Variants in CUL2 observed in about 807,000 individuals in gnomAD.
CUL2 encodes the protein cullin-2.
CUL2 carries 22 observed loss-of-function variants against 110.2 expected under a neutral mutation model. That is an observed-to-expected ratio of 0.20 (90% CI 0.14 to 0.28). The LOEUF is 0.28. Ranked by LOEUF, CUL2 falls within the 10% of genes least tolerant of loss-of-function variation. CUL2 has a pLI of 1.00. For missense variants in CUL2, 631 were observed against 905.5 expected, an observed-to-expected ratio of 0.70 and a Z score of 3.89; for synonymous variants, 279 against 293.2, an observed-to-expected ratio of 0.95 and a Z score of 0.49.
At chr10:35,061,876 G>A (rs1319726830) in intron 3 of CUL2, among the ~76,000 whole-genome samples, 1 of 150,238 alleles carries the variant, frequency 6.7e-6, no homozygotes, top group Non-Finnish European at 1.5e-5. Flanking sequence ...CCAAAGTACA[G>A]AGATTACAGG....
chr10:35,035,658 G>A (rs1369871615), intron 9 of CUL2, among the ~76,000 whole-genome samples: 1 of 152,204 alleles, frequency 6.6e-6, no homozygotes, highest in African/African-American at 2.4e-5. Flanking sequence ...CAGCTGCACA[G>A]TACTCCATTA....
At chr10:35,051,866 C>T (rs527847362) in intron 5 of CUL2, among the ~76,000 whole-genome samples, 1 of 152,248 alleles carries the variant, frequency 6.6e-6, no homozygotes, top group South Asian at 2.1e-4. Flanking sequence ...TGCTCGGTTT[C>T]TTTATTGTGT....
Position 35,016,196 on chromosome 10 carries a change from T to A in CUL2, c.1883A>T (p.Glu628Val). 1 of 1,612,368 alleles carries A rather than the reference T, an allele frequency of 6.2e-7. No individual in the cohort carries two copies. The highest frequency in any genetic ancestry group is 8.5e-7 in the Non-Finnish European group (1 of 1,178,838). The change falls in exon 18 of 21, where the codon GAA (glutamate) becomes GTA (valine). Residue 628 changes from glutamate to valine, a missense_variant. Transcript: ENST00000374749. ...LDVKMINHDS[E>V]KEDIDAESSF... ...CTTTGGAATATTACTACATACCTTT[T>A]CTGAATCATGGTTAATCATTTTCAC...
chr10:35,065,358 C>T (rs1448126893), intron 2 of CUL2, among the ~76,000 whole-genome samples: 5 of 152,088 alleles, frequency 3.3e-5, no homozygotes, highest in Non-Finnish European at 7.4e-5. Flanking sequence ...TGATGACTCA[C>T]GCCTGTAATC....
At position 35,078,312 on chromosome 10, in the gene CUL2, T is replaced by C. The variant is rs568059434; in HGVS notation, c.-22-6973A>G. On this transcript the variant is annotated intron_variant, in intron 1 of 20. Coordinates refer to ENST00000374749, the MANE Select transcript of CUL2 (RefSeq NM_003591.4). ...TCAGGTGAATTTTTTTTTTTTTTTTTGAGATGGAGTTTCTGTCTTGTTGCC... is the reference window on the plus strand; with the variant it reads ...TCAGGTGAATTTTTTTTTTTTTTTTCGAGATGGAGTTTCTGTCTTGTTGCC... Among the ~76,000 whole-genome samples the C allele has an allele frequency of 2.6e-5, 4 of 151,654 alleles. No individual in the cohort carries two copies. In the East Asian group the frequency reaches 7.7e-4, roughly 29 times the overall value.
intron 9 of CUL2, among the ~76,000 whole-genome samples, chr10:35,037,178 A>G (rs1398620889): frequency 6.6e-6 from 1 of 152,234 alleles, no homozygotes; most frequent in Non-Finnish European, 1.5e-5. Context: ...AAAAAACTCA[A>G]TAGTGAATTG....
At chr10:35,047,273 T>C (rs1001632127) in intron 6 of CUL2, among the ~76,000 whole-genome samples, 4 of 152,186 alleles carry the variant, frequency 2.6e-5, no homozygotes, top group African/African-American at 9.6e-5. Flanking sequence ...AGTTCCTCAA[T>C]TCTGTGAGTG....
intron 1 of CUL2, among the ~76,000 whole-genome samples, chr10:35,117,306 T>C (rs941242666): frequency 6.6e-6 from 1 of 152,182 alleles, no homozygotes; most frequent in Non-Finnish European, 1.5e-5. Context: ...GGTATGATCT[T>C]GGCTCACTGC....
chr10:35,011,576 C>T (rs904545081), intron 20 of CUL2, among the ~76,000 whole-genome samples: 4 of 152,090 alleles, frequency 2.6e-5, no homozygotes, highest in African/African-American at 9.7e-5. Flanking sequence ...CAAGATCACG[C>T]CACTGTACTC....
At chr10:35,057,078 C>T (rs186030903) in intron 4 of CUL2, among the ~76,000 whole-genome samples, 109 of 152,308 alleles carry the variant, frequency 7.2e-4, no homozygotes, top group African/African-American at 2.4e-3. Context: ...CAGAATTCTA[C>T]AGGAGCTTCC....
upstream of CUL2, among the ~76,000 whole-genome samples, chr10:35,093,404 C>T (rs1438809747): frequency 6.6e-6 from 1 of 151,778 alleles, no homozygotes; most frequent in African/African-American, 2.4e-5. Flanking sequence ...TGGCTCATGC[C>T]TCCCAGCACT....
At chr10:35,041,414 G>A (rs2085784927) in intron 8 of CUL2, among the ~76,000 whole-genome samples, 1 of 152,130 alleles carries the variant, frequency 6.6e-6, no homozygotes, top group Non-Finnish European at 1.5e-5. Flanking sequence ...GCTATAAGAG[G>A]AACGCAGCAA....
At chr10:35,051,925 CTTT>C (rs1403229661) in intron 5 of CUL2, among the ~76,000 whole-genome samples, 2 of 152,100 alleles carry the variant, frequency 1.3e-5, no homozygotes, top group East Asian at 1.9e-4. Flanking sequence ...TACCAATCTT[CTTT>C]ATCATGGGTA....
At chr10:35,105,694 C>G (rs530915663) in intron 1 of CUL2, among the ~76,000 whole-genome samples, 1 of 147,582 alleles carries the variant, frequency 6.8e-6, no homozygotes, top group Admixed American at 6.8e-5. Context: ...GGCGACAGAG[C>G]GAGACTCTGT....
chr10:35,061,769 G>GTT (rs570989508), intron 3 of CUL2, among the ~76,000 whole-genome samples: 99 of 128,484 alleles, frequency 7.7e-4, no homozygotes, highest in East Asian at 1.8e-3. Flanking sequence ...ACTTATGAGG[G>GTT]TTTTTTTTTT....
At position 35,009,189 on chromosome 10, in the gene CUL2, T is replaced by TAC. The variant is rs1222103138; in HGVS notation, c.*1121_*1122insGT. 1 of 104,422 alleles carries TAC rather than the reference T, an allele frequency of 9.6e-6. No individual in the cohort carries two copies. Among genetic ancestry groups the TAC allele is most frequent in the East Asian group, 2.8e-4 (1 of 3,534 alleles). 6.5% of individuals were successfully genotyped at this position (104,422 alleles called of 1,614,324 possible). ...CTCTTAACACTGCTGTTGAGATATA[T>TAC]ATATATATATATTATATATATATAT... is the stretch of plus-strand genomic sequence containing the variant. On this transcript the variant is annotated 3_prime_UTR_variant, in exon 21 of 21. Transcript: ENST00000374749.
At chr10:35,035,982 A>G (rs1256752371) in intron 9 of CUL2, among the ~76,000 whole-genome samples, 1 of 152,204 alleles carries the variant, frequency 6.6e-6, no homozygotes. Flanking sequence ...CATATACAGA[A>G]AAGTATACAA....
At chr10:35,062,824 A>G in intron 3 of CUL2, 136 bp downstream of exon 3, 2 of 598,746 alleles carry the variant, frequency 3.3e-6, no homozygotes, top group East Asian at 2.9e-5. Flanking sequence ...GCAACAGAGC[A>G]AGACCCTGTA....
At chr10:35,011,379 A>G (rs1023177426) in intron 20 of CUL2, among the ~76,000 whole-genome samples, 1 of 151,924 alleles carries the variant, frequency 6.6e-6, no homozygotes, top group Non-Finnish European at 1.5e-5. Context: ...GCACTTTTGG[A>G]GGCCGAGGCA....
Sources: gnomAD v4.1 joint callset for allele counts (sites outside exome capture counted in the v4.1 genomes callset) on GRCh38, gnomAD v4.1.1 for gene constraint, MANE v1.5 for transcripts, NCBI Gene and HGNC (gene_info 2026-07-23, HGNC 2026-07-21) for gene names.